Variants in TMEM200A observed in about 807,000 individuals in gnomAD.
TMEM200A encodes two transmembrane C.
A neutral mutation model predicts 24.3 loss-of-function variants in TMEM200A; 12 were observed. That is an observed-to-expected ratio of 0.49 (90% CI 0.32 to 0.80). The LOEUF is 0.80. Among genes scored for constraint, TMEM200A ranks in the 30% least tolerant of loss-of-function variants. The probability of loss-of-function intolerance (pLI) is 0.04; values close to 1 mark genes in which losing one functional copy is unlikely to be tolerated. For synonymous variants in TMEM200A, 224 were observed against 224.4 expected (o/e 1.00, Z 0.02); for missense variants, 545 against 614.4 (o/e 0.89, Z 1.19).
At position 130,441,360 on chromosome 6, in the gene TMEM200A, A is replaced by C; in HGVS notation, c.938A>C (p.Asp313Ala). Reference sequence around the variant, plus strand: ...ATAGATAACATCACTGAAGATGCTGACAACCTCAAAAGTAGGTCAAGGAAT... The same window carrying C: ...ATAGATAACATCACTGAAGATGCTGCCAACCTCAAAAGTAGGTCAAGGAAT... ...PSIDNITEDA[D>A]NLKSRSRNLS... Residue 313 changes from aspartate to alanine, a missense_variant, in exon 3 of 3, where the codon GAC becomes GCC. Physicochemically the swap from Asp to Ala is moderately radical, Grantham distance 126. Coordinates refer to ENST00000296978, the MANE Select transcript of TMEM200A (RefSeq NM_001258277.2). 1 of 1,614,156 alleles carries C rather than the reference A, an allele frequency of 6.2e-7. No homozygotes were observed. The highest frequency in any genetic ancestry group is 2.2e-5 in the East Asian group (1 of 44,854).
At chr6:130,399,637 C>A (rs1583196011) in intron 2 of TMEM200A, among the ~76,000 whole-genome samples, 1 of 73,222 alleles carries the variant, frequency 1.4e-5, no homozygotes, top group Admixed American at 1.3e-4. Context: ...ATTTTTATTT[C>A]TTCTTTTATT....
At chr6:130,397,589 T>C (rs889126251) in intron 2 of TMEM200A, among the ~76,000 whole-genome samples, 20 of 151,856 alleles carry the variant, frequency 1.3e-4, no homozygotes, top group African/African-American at 4.8e-4. Context: ...TTCCATTCTT[T>C]TACTTTGTGT....
At chr6:130,382,561 AT>A (rs1778625571) in intron 1 of TMEM200A, among the ~76,000 whole-genome samples, 1 of 152,198 alleles carries the variant, frequency 6.6e-6, no homozygotes, top group African/African-American at 2.4e-5. Flanking sequence ...CTTGTATGAA[AT>A]GATAGTGACT....
At chr6:130,439,691 A>G (rs1450268273) in intron 2 of TMEM200A, among the ~76,000 whole-genome samples, 2 of 152,210 alleles carry the variant, frequency 1.3e-5, no homozygotes, top group East Asian at 1.9e-4. Flanking sequence ...GAGAAGTTCT[A>G]CTTTTAGGTG....
At chr6:130,411,062 G>A (rs1282288333) in intron 2 of TMEM200A, among the ~76,000 whole-genome samples, 4 of 152,046 alleles carry the variant, frequency 2.6e-5, no homozygotes, top group Non-Finnish European at 4.4e-5. Context: ...CCATCTACTC[G>A]GAAGGCTGGG....
chr6:130,383,453 G>T (rs1329644715), intron 1 of TMEM200A, among the ~76,000 whole-genome samples: 1 of 152,128 alleles, frequency 6.6e-6, no homozygotes, highest in African/African-American at 2.4e-5. Flanking sequence ...TAATAAAGTT[G>T]AAGTTTGAAA....
chr6:130,403,643 A>AT (rs35695001), intron 2 of TMEM200A, among the ~76,000 whole-genome samples: 38,058 of 150,662 alleles, frequency 0.25, 5,956 homozygotes, highest in African/African-American at 0.44. Flanking sequence ...TCATTTTGCT[A>AT]TTTTTTTTTC....
chr6:130,391,789 C>G (rs1269617987), intron 2 of TMEM200A, among the ~76,000 whole-genome samples: 1 of 127,488 alleles, frequency 7.8e-6, no homozygotes, highest in Non-Finnish European at 1.6e-5. Flanking sequence ...GTCGCCCAGG[C>G]TAGAGTGCAG....
At chr6:130,403,913 G>C (rs1426846206) in intron 2 of TMEM200A, among the ~76,000 whole-genome samples, 2 of 152,102 alleles carry the variant, frequency 1.3e-5, no homozygotes, top group Non-Finnish European at 2.9e-5. Context: ...TTATAAGTGA[G>C]AAAATGCGGT....
Position 130,383,305 on chromosome 6 carries a change from C to T in TMEM200A, c.-80-1868C>T, listed in dbSNP as rs570461679. 1.1e-3 allele frequency among the ~76,000 whole-genome samples: 163 copies of T among 152,286 alleles called. 1 individual carries two copies. The highest frequency in any genetic ancestry group is 1.8e-3 in the Non-Finnish European group (121 of 68,022). On this transcript the variant is annotated intron_variant, in intron 1 of 2. Coordinates refer to ENST00000296978, the MANE Select transcript of TMEM200A (RefSeq NM_001258277.2). ...CAATGCCATCCTGAAAAGAATGAGA[C>T]ACTGTGAGGTGAGCAGCAAGTTCCA... is the stretch of plus-strand genomic sequence containing the variant.
At chr6:130,367,053 G>T (rs1297293476) in intron 1 of TMEM200A, among the ~76,000 whole-genome samples, 1 of 152,196 alleles carries the variant, frequency 6.6e-6, no homozygotes, top group African/African-American at 2.4e-5. Context: ...GCTATAAATT[G>T]TTCCAGCCAA....
chr6:130,389,578 T>A (rs970268336), intron 2 of TMEM200A, among the ~76,000 whole-genome samples: 3 of 152,084 alleles, frequency 2.0e-5, no homozygotes, highest in African/African-American at 7.3e-5. Context: ...ATAATATAGC[T>A]TGTTAGAATT....
intron 2 of TMEM200A, among the ~76,000 whole-genome samples, chr6:130,427,864 A>T (rs549312725): frequency 1.3e-5 from 2 of 151,990 alleles, no homozygotes; most frequent in Non-Finnish European, 2.9e-5. Context: ...TGAATCAACT[A>T]TCAAAGTTTT....
chr6:130,402,958 A>G (rs1447931297), intron 2 of TMEM200A, among the ~76,000 whole-genome samples: 1 of 152,030 alleles, frequency 6.6e-6, no homozygotes, highest in Non-Finnish European at 1.5e-5. Context: ...TTATGCCCCC[A>G]TATCACTTTT....
intron 2 of TMEM200A, among the ~76,000 whole-genome samples, chr6:130,388,113 A>T (rs1225062625): frequency 2.0e-5 from 3 of 152,190 alleles, no homozygotes; most frequent in Non-Finnish European, 4.4e-5. Flanking sequence ...ACTAGTGGAG[A>T]TCCCTTGGAG....
intron 2 of TMEM200A, among the ~76,000 whole-genome samples, chr6:130,434,242 A>G (rs1000949565): frequency 2.0e-5 from 3 of 152,098 alleles, no homozygotes; most frequent in African/African-American, 7.2e-5. Flanking sequence ...GCATGAAAAA[A>G]CAATAGAAAA....
chr6:130,436,955 A>T (rs1471816436), intron 2 of TMEM200A, among the ~76,000 whole-genome samples: 1 of 152,032 alleles, frequency 6.6e-6, no homozygotes, highest in East Asian at 1.9e-4. Context: ...CCCAGCCTTC[A>T]CTAGGCTCCT....
intron 1 of TMEM200A, among the ~76,000 whole-genome samples, chr6:130,380,619 T>C (rs184915411): frequency 6.6e-6 from 1 of 152,306 alleles, no homozygotes. Flanking sequence ...CTGTATGTGA[T>C]GGTGGACCCT....
chr6:130,383,000 C>T (rs1778636362), intron 1 of TMEM200A: 1 of 985,232 alleles, frequency 1.0e-6, no homozygotes, highest in Non-Finnish European at 1.2e-6. Flanking sequence ...CCATCTCACC[C>T]AAGGGGCTGT....
Sources: allele counts gnomAD v4.1 joint callset (sites outside exome capture counted in the v4.1 genomes callset), GRCh38; gene constraint gnomAD v4.1.1; transcripts MANE v1.5; gene names NCBI Gene and HGNC (gene_info 2026-07-23, HGNC 2026-07-21).